RASA1: variants seen among roughly 807,000 people sequenced by gnomAD.
The protein encoded by RASA1 is RAS p21 protein activator 1, also known as ras GTPase-activating protein 1.
In RASA1, 25 loss-of-function variants were observed where a neutral mutation model predicts 132.2. That is an observed-to-expected ratio of 0.19 (90% CI 0.14 to 0.26). RASA1 has a LOEUF of 0.26. RASA1 is among the 10% of genes least tolerant of loss of function. RASA1 has a pLI of 1.00. For missense variants in RASA1, 964 were observed against 1,299.2 expected, an observed-to-expected ratio of 0.74 and a Z score of 3.97; for synonymous variants, 477 against 449.9, an observed-to-expected ratio of 1.06 and a Z score of -0.76.
intron 1 of RASA1, among the ~76,000 whole-genome samples, chr5:87,317,873 C>A (rs911789225): frequency 6.6e-6 from 1 of 152,016 alleles, no homozygotes; most frequent in African/African-American, 2.4e-5. Context: ...TGAGCTCAAG[C>A]AATCCGCCCA....
At chr5:87,369,446 T>C (rs760383884) in intron 11 of RASA1, among the ~76,000 whole-genome samples, 2 of 152,214 alleles carry the variant, frequency 1.3e-5, no homozygotes, top group South Asian at 4.1e-4. Flanking sequence ...ACTTAGAACA[T>C]TTTTGGTCTA....
chr5:87,362,894 CTT>C (rs1760221059), intron 10 of RASA1, among the ~76,000 whole-genome samples: 1 of 149,186 alleles, frequency 6.7e-6, no homozygotes, highest in East Asian at 1.9e-4. Flanking sequence ...TTCTTTTTTT[CTT>C]TCTTTCTTTC....
At chr5:87,343,068 T>A (rs924599929) in intron 6 of RASA1, among the ~76,000 whole-genome samples, 50 of 152,296 alleles carry the variant, frequency 3.3e-4, no homozygotes, top group Non-Finnish European at 5.9e-4. Context: ...ATGTGTATGT[T>A]TGTTCCCTTT....
intron 8 of RASA1, among the ~76,000 whole-genome samples, chr5:87,350,139 T>C (rs1430288903): frequency 6.6e-6 from 1 of 151,846 alleles, no homozygotes; most frequent in Non-Finnish European, 1.5e-5. Flanking sequence ...GAATAGAGAT[T>C]CTGTAGCTTG....
chr5:87,303,557 A>G (rs1407841699), intron 1 of RASA1, among the ~76,000 whole-genome samples: 3 of 152,114 alleles, frequency 2.0e-5, no homozygotes, highest in Non-Finnish European at 4.4e-5. Context: ...TTGTGAAGAC[A>G]TATTTCCACA....
intron 8 of RASA1, among the ~76,000 whole-genome samples, chr5:87,352,348 G>A (rs1286392274): frequency 6.6e-6 from 1 of 151,134 alleles, no homozygotes; most frequent in Non-Finnish European, 1.5e-5. Context: ...TATATAGAAG[G>A]TTAAACAAAA....
At chr5:87,322,970 A>T (rs987051084) in intron 1 of RASA1, among the ~76,000 whole-genome samples, 4 of 152,154 alleles carry the variant, frequency 2.6e-5, no homozygotes, top group African/African-American at 9.7e-5. Context: ...TAAGATGTTG[A>T]TATATTCACC....
At chr5:87,288,646 A>G (rs1754784458) in intron 1 of RASA1, among the ~76,000 whole-genome samples, 1 of 152,052 alleles carries the variant, frequency 6.6e-6, no homozygotes, top group Non-Finnish European at 1.5e-5. Context: ...CAAGGATGGA[A>G]TCTGTTTCTG....
At chr5:87,369,923 T>C in intron 12 of RASA1, 23 bp downstream of exon 12, 1 of 1,545,844 alleles carries the variant, frequency 6.5e-7, no homozygotes, top group Non-Finnish European at 8.9e-7. Context: ...TTTCTCAAAC[T>C]ACAGTATACT....
chr5:87,293,062 T>A (rs1247606514), intron 1 of RASA1, among the ~76,000 whole-genome samples: 1 of 151,852 alleles, frequency 6.6e-6, no homozygotes, highest in Non-Finnish European at 1.5e-5. Context: ...ACAAAGACAG[T>A]ATTATTTCTT....
intron 15 of RASA1, among the ~76,000 whole-genome samples, chr5:87,375,650 G>A (rs2112488966): frequency 6.6e-6 from 1 of 152,088 alleles, no homozygotes; most frequent in Non-Finnish European, 1.5e-5. Flanking sequence ...TTCACTTCTG[G>A]TAGTCAAAGG....
intron 1 of RASA1, among the ~76,000 whole-genome samples, chr5:87,326,642 A>T (rs1757250127): frequency 6.6e-6 from 1 of 152,202 alleles, no homozygotes; most frequent in Non-Finnish European, 1.5e-5. Flanking sequence ...TTTAAGTCAT[A>T]GTATCTCAAG....
intron 1 of RASA1, among the ~76,000 whole-genome samples, chr5:87,319,097 C>A (rs1458978760): frequency 3.3e-5 from 5 of 152,242 alleles, no homozygotes; most frequent in Non-Finnish European, 7.3e-5. Context: ...CCAGGGCACG[C>A]TGATGCAAGG....
At chr5:87,338,147 AT>A in intron 5 of RASA1, 56 bp downstream of exon 5, 1 of 1,605,758 alleles carries the variant, frequency 6.2e-7, no homozygotes, top group Non-Finnish European at 8.5e-7. Flanking sequence ...ATAAATTTGG[AT>A]CTTGTCCGTA....
chr5:87,390,656 A>C, intron 24 of RASA1, 144 bp from the exon 25 acceptor site: 1 of 729,636 alleles, frequency 1.4e-6, no homozygotes, highest in Non-Finnish European at 2.5e-6. Context: ...TGACTGAATA[A>C]TAGAGACTTA....
At chr5:87,349,066 T>G in intron 7 of RASA1, 148 bp from the exon 8 acceptor site, 1 of 986,236 alleles carries the variant, frequency 1.0e-6, no homozygotes. Context: ...CCAGAAAATT[T>G]GAAAGAAATT....
At chr5:87,270,605 C>G (rs1001585041) in intron 1 of RASA1, among the ~76,000 whole-genome samples, 1 of 149,792 alleles carries the variant, frequency 6.7e-6, no homozygotes, top group Non-Finnish European at 1.5e-5. Flanking sequence ...CCTCAGCCTC[C>G]CAAAGTGGTG....
chr5:87,288,174 A>G (rs1284802276), intron 1 of RASA1, among the ~76,000 whole-genome samples: 2 of 143,858 alleles, frequency 1.4e-5, no homozygotes, highest in African/African-American at 2.6e-5. Context: ...TATACACACC[A>G]TATATATATA....
rs992038947 is a variant in RASA1, at chr5:87,327,037, C to T, written c.540-4311C>T. On this transcript the variant is annotated intron_variant, in intron 1 of 24. Transcript: ENST00000274376. The stretch of plus-strand genomic sequence containing the variant: ...AGAAGTTTATTAATCAGTCCCATAT[C>T]CTTTGAGTATCCTCTACTCCCCTGT... Among the ~76,000 whole-genome samples, 7 of 152,130 alleles carry T rather than the reference C, an allele frequency of 4.6e-5. No homozygotes were observed. In the South Asian group the frequency reaches 1.0e-3, roughly 23 times the overall value.
Sources: allele counts gnomAD v4.1 joint callset (sites outside exome capture counted in the v4.1 genomes callset), GRCh38; gene constraint gnomAD v4.1.1; transcripts MANE v1.5; gene names NCBI Gene and HGNC (gene_info 2026-07-23, HGNC 2026-07-21).